Variants in RIOX2 observed in about 807,000 individuals in gnomAD.
RIOX2 encodes ribosomal oxygenase 2, also known as 60S ribosomal protein L27a histidine hydroxylase.
RIOX2 carries 43 observed loss-of-function variants against 51.2 expected under a neutral mutation model. That is an observed-to-expected ratio of 0.84 (90% CI 0.66 to 1.08). The LOEUF is 1.08. Among genes scored for constraint, RIOX2 ranks in the 50% least tolerant of loss-of-function variants. The probability of loss-of-function intolerance (pLI) is 0.00; values close to 1 mark genes in which losing one functional copy is unlikely to be tolerated. For missense variants in RIOX2, 566 were observed against 561.7 expected, an observed-to-expected ratio of 1.01 and a Z score of -0.08; for synonymous variants, 226 against 218.5, an observed-to-expected ratio of 1.03 and a Z score of -0.30.
chr3:97,946,073 T>A (rs2040350073), intron 8 of RIOX2, among the ~76,000 whole-genome samples, 186 bp from the exon 9 acceptor site: 1 of 152,096 alleles, frequency 6.6e-6, no homozygotes, highest in Non-Finnish European at 1.5e-5. Flanking sequence ...ATCCACACAA[T>A]GTCTATACTT....
Position 97,957,721 on chromosome 3 carries a change from C to T in RIOX2, c.681+1330G>A, listed in dbSNP as rs945883635. 4.6e-5 allele frequency among the ~76,000 whole-genome samples: 7 copies of T among 152,118 alleles called. No homozygotes were observed. The East Asian group carries it at 5.8e-4, about 13-fold the overall frequency. ...CGGGCAGAGCAAGTAGCCAGGTCAC[C>T]GGCCTGAGTAACTCAGCCCTGACTT... is the stretch of plus-strand genomic sequence containing the variant. On this transcript the variant is annotated intron_variant, in intron 4 of 9. Transcript: ENST00000394198.
Position 97,945,268 on chromosome 3 carries a change from G to A in RIOX2, c.1314C>T (p.Val438=). 1 of 1,612,604 alleles carries A rather than the reference G, an allele frequency of 6.2e-7. No individual in the cohort carries two copies. Among genetic ancestry groups the A allele is most frequent in the Non-Finnish European group, 8.5e-7 (1 of 1,178,950 alleles). The change falls in exon 10 of 10, where the codon GTC becomes GTT. Residue 438 remains valine, a synonymous_variant. Coordinates refer to ENST00000394198, the MANE Select transcript of RIOX2 (RefSeq NM_153182.4). ...KQIWNSPAIS[V]KDLKLTTDEE... is the part of the protein sequence containing the mutation. ...CATCTGTAGTAAGTTTCAGGTCCTT[G>A]ACAGAAATAGCTGGACTATTCCAAA...
At chr3:97,953,468 C>T (rs9879876) in intron 5 of RIOX2, among the ~76,000 whole-genome samples, 69,759 of 151,840 alleles carry the variant, frequency 0.46, 16,661 homozygotes, top group East Asian at 0.69. Flanking sequence ...CAACCTCCAC[C>T]TCCTGTGTTC....
chr3:97,969,898 G>A (rs1706055097), intron 1 of RIOX2, among the ~76,000 whole-genome samples: 2 of 152,138 alleles, frequency 1.3e-5, no homozygotes, highest in East Asian at 1.9e-4. Flanking sequence ...CTAGCAAATT[G>A]CTGAACTAAA....
intron 4 of RIOX2, 41 bp downstream of exon 4, chr3:97,959,010 A>G: frequency 1.9e-6 from 3 of 1,559,060 alleles, no homozygotes; most frequent in Non-Finnish European, 2.6e-6. Context: ...GGAAACCACA[A>G]TGGCTCTAAC....
chr3:97,964,378 C>CCAGTTTTTCCACATA (rs1260481619), intron 2 of RIOX2, among the ~76,000 whole-genome samples: 6 of 152,094 alleles, frequency 3.9e-5, no homozygotes, highest in African/African-American at 1.4e-4. Flanking sequence ...TCTGTGAACT[C>CCAGTTTTTCCACATA]CAGTTTTTCC....
Position 97,954,452 on chromosome 3 carries a change from G to C in RIOX2, c.725C>G (p.Ala242Gly). Residue 242 changes from alanine to glycine, a missense_variant, in exon 5 of 10, where the codon GCG becomes GGG. By Grantham distance (60) the Ala-to-Gly change is moderately conservative. Coordinates refer to ENST00000394198, the MANE Select transcript of RIOX2 (RefSeq NM_153182.4). The stretch of plus-strand genomic sequence containing the variant: ...GTGGGCCAGCCCCGCAGGAGTGTCC[G>C]CTTGATGAATGGTTCCTCTGGGAAA... ...LYFPRGTIHQ[A>G]DTPAGLAHST... is the part of the protein sequence containing the mutation. 6.2e-7 allele frequency: 1 copy of C among 1,614,090 alleles called. No homozygotes were observed. The highest frequency in any genetic ancestry group is 8.5e-7 in the Non-Finnish European group (1 of 1,179,946).
intron 2 of RIOX2, among the ~76,000 whole-genome samples, chr3:97,963,827 G>A (rs1705773990): frequency 1.3e-5 from 2 of 152,034 alleles, no homozygotes; most frequent in East Asian, 1.9e-4. Context: ...TCTGCCAACC[G>A]TGGCCTACTA....
chr3:97,967,371 T>C lies in RIOX2; in HGVS notation c.223A>G (p.Thr75Ala), dbSNP rs1252241916. The C allele has an allele frequency of 1.2e-6, 2 of 1,614,156 alleles. No individual in the cohort carries two copies. The highest frequency in any genetic ancestry group is 3.3e-5 in the Admixed American group (2 of 60,020). The change falls in exon 2 of 10, where the codon ACA becomes GCA. Residue 75 changes from threonine to alanine, a missense_variant. By Grantham distance (58) the Thr-to-Ala change is moderately conservative (BLOSUM62 0). Coordinates refer to ENST00000394198, the MANE Select transcript of RIOX2 (RefSeq NM_153182.4). Reference sequence around the variant, plus strand: ...AGCTTGAACAGGGACCCATAGTATGTGGCCAGTGCAGGGTCATCTCTCTGA... The same window carrying C: ...AGCTTGAACAGGGACCCATAGTATGCGGCCAGTGCAGGGTCATCTCTCTGA... ...LIQRDDPALA[T>A]YYGSLFKLTD...
Position 97,942,340 on chromosome 3 carries a change from A to G in RIOX2, c.*2844T>C. On this transcript the variant is annotated 3_prime_UTR_variant, in exon 10 of 10. Transcript: ENST00000394198. The stretch of plus-strand genomic sequence containing the variant: ...GCCGGGACACACCTGGAGCTAAAGT[A>G]GCTCTATGGACTGAACATGGGCAAT... The G allele has an allele frequency of 6.2e-7, 1 of 1,611,864 alleles. No individual in the cohort carries two copies. The highest frequency in any genetic ancestry group is 8.5e-7 in the Non-Finnish European group (1 of 1,178,576).
intron 5 of RIOX2, chr3:97,954,121 C>T (rs893152798): frequency 2.6e-6 from 1 of 385,938 alleles, no homozygotes; most frequent in Admixed American, 3.6e-5. Flanking sequence ...GTACCCACAG[C>T]TAGTCTCTTT....
chr3:97,954,566 G>T, intron 4 of RIOX2, 71 bp from the exon 5 acceptor site: 3 of 1,249,066 alleles, frequency 2.4e-6, no homozygotes, highest in Non-Finnish European at 3.5e-6. Flanking sequence ...ATTTCAGGGA[G>T]ATAAATATGG....
chr3:97,961,907 T>G (rs1274304942), intron 2 of RIOX2, among the ~76,000 whole-genome samples, 199 bp from the exon 3 acceptor site: 2 of 152,196 alleles, frequency 1.3e-5, no homozygotes, highest in East Asian at 3.8e-4. Flanking sequence ...AAACACCATG[T>G]AACAGACGTG....
rs541497479 is a variant in RIOX2 at position 97,942,988 on chromosome 3, C to T, written c.*2196G>A. 118 of 442,700 alleles carry T rather than the reference C, an allele frequency of 2.7e-4. 2 individuals are homozygous for T. The South Asian group carries it at 3.4e-3, about 13-fold the overall frequency. The allele number at this position is 442,700 out of a possible 1,614,324, so 27.4% of individuals were successfully genotyped here. ...TGTTCTAAAGAATCACATTAAGGCA[C>T]GCCACTTATACAATCATGTATTATA... On this transcript the variant is annotated 3_prime_UTR_variant, in exon 10 of 10. Transcript: ENST00000394198.
intron 4 of RIOX2, among the ~76,000 whole-genome samples, chr3:97,955,223 C>T (rs1213301744): frequency 6.6e-6 from 1 of 152,036 alleles, no homozygotes; most frequent in Non-Finnish European, 1.5e-5. Flanking sequence ...CTATACAATC[C>T]CTATTTCAAC....
In RIOX2 at chr3:97,942,422, C is replaced by T; in HGVS notation, c.*2762G>A. 1 of 1,610,664 alleles carries T rather than the reference C, an allele frequency of 6.2e-7. No homozygotes were observed. The highest frequency in any genetic ancestry group is 8.5e-7 in the Non-Finnish European group (1 of 1,177,882). On this transcript the variant is annotated 3_prime_UTR_variant, in exon 10 of 10. Coordinates refer to ENST00000394198, the MANE Select transcript of RIOX2 (RefSeq NM_153182.4). Reference sequence around the variant, plus strand: ...AACTATCAGCTCTTATCTCAGTGATCAACTTGTCCTTGATGTTAAAGGTGG... The same window carrying T: ...AACTATCAGCTCTTATCTCAGTGATTAACTTGTCCTTGATGTTAAAGGTGG...
At chr3:97,960,555 A>T (rs1205139896) in intron 3 of RIOX2, among the ~76,000 whole-genome samples, 1 of 152,198 alleles carries the variant, frequency 6.6e-6, no homozygotes, top group African/African-American at 2.4e-5. Flanking sequence ...TGTTGGCACC[A>T]CTAACCCCCA....
intron 3 of RIOX2, 138 bp from the exon 4 acceptor site, chr3:97,959,317 T>G (rs1416172507): frequency 3.6e-6 from 3 of 829,258 alleles, no homozygotes; most frequent in Non-Finnish European, 3.4e-6. Flanking sequence ...TTTTTTTTTT[T>G]TTTTTTTTTT....
At chr3:97,968,539 G>C (rs1014489378) in intron 1 of RIOX2, among the ~76,000 whole-genome samples, 1 of 152,196 alleles carries the variant, frequency 6.6e-6, no homozygotes, top group African/African-American at 2.4e-5. Context: ...CAGGCTCCCA[G>C]GTGATGCTTC....
Sources: allele counts gnomAD v4.1 joint callset (sites outside exome capture counted in the v4.1 genomes callset), GRCh38; gene constraint gnomAD v4.1.1; transcripts MANE v1.5; gene names NCBI Gene and HGNC (gene_info 2026-07-23, HGNC 2026-07-21).